FBXL7: variants seen among roughly 807,000 people sequenced by gnomAD.
The protein encoded by FBXL7 is F-box/LRR-repeat protein 7.
A neutral mutation model predicts 38.3 loss-of-function variants in FBXL7; 12 were observed. The ratio of observed to expected loss-of-function variants is 0.31; its 90% CI spans 0.20 to 0.51. The LOEUF is 0.51. Ranked by LOEUF, FBXL7 falls within the 20% of genes least tolerant of loss-of-function variation. The pLI is 0.98. For synonymous variants in FBXL7, 297 were observed against 300.9 expected (o/e 0.99, Z 0.13); for missense variants, 567 against 676.4 (o/e 0.84, Z 1.79).
At chr5:15,547,462 G>A (rs932351483) in intron 1 of FBXL7, among the ~76,000 whole-genome samples, 1 of 152,180 alleles carries the variant, frequency 6.6e-6, no homozygotes, top group African/African-American at 2.4e-5. Context: ...TTACTGACTT[G>A]TCTGAGTCTG....
In FBXL7 at chr5:15,546,080, T is replaced by A. The variant is rs1034040066; in HGVS notation, c.37+45367T>A. Among the ~76,000 whole-genome samples, 13 of 152,384 alleles carry A rather than the reference T, an allele frequency of 8.5e-5. No individual in the cohort carries two copies. In the East Asian group the frequency reaches 2.5e-3, roughly 29 times the overall value. ...TTACATATTAAAATTATAGCATGCA[T>A]GTGTTATATTAAATGATACATATTA... On this transcript the variant is annotated intron_variant, in intron 1 of 3. Transcript: ENST00000504595.
rs1445127129 is a variant in FBXL7 at position 15,939,358 on chromosome 5, G to A, written c.*2172G>A. 5 of 273,044 alleles carry A rather than the reference G, an allele frequency of 1.8e-5. No homozygotes were observed. The highest frequency in any genetic ancestry group is 6.8e-6 in the Non-Finnish European group (1 of 146,940). 16.9% of individuals were successfully genotyped at this position (273,044 alleles called of 1,614,324 possible). A position where few individuals can be genotyped will look rare whatever the true frequency, so the allele number is the denominator to read the frequency against. The stretch of plus-strand genomic sequence containing the variant: ...ATTGTCCCTAATCCTTGGCCCTGGG[G>A]TCTTCCGAGTGAGCTGGTTTAATAC... On this transcript the variant is annotated 3_prime_UTR_variant, in exon 4 of 4. Transcript: ENST00000504595.
intron 3 of FBXL7, among the ~76,000 whole-genome samples, chr5:15,932,596 T>C (rs969413201): frequency 3.3e-5 from 5 of 152,204 alleles, no homozygotes; most frequent in African/African-American, 1.2e-4. Context: ...TGCCTTGGTT[T>C]TGACTAAATC....
intron 2 of FBXL7, among the ~76,000 whole-genome samples, chr5:15,826,795 T>A (rs1439207287): frequency 6.6e-6 from 1 of 152,164 alleles, no homozygotes; most frequent in Non-Finnish European, 1.5e-5. Context: ...CTAGGCTATT[T>A]CAGTACTATC....
chr5:15,640,203 T>C (rs1426801520), intron 2 of FBXL7, among the ~76,000 whole-genome samples: 1 of 152,094 alleles, frequency 6.6e-6, no homozygotes, highest in African/African-American at 2.4e-5. Context: ...AAATCAGAAA[T>C]CAAGGTGGCA....
chr5:15,701,883 T>C (rs141007914), intron 2 of FBXL7, among the ~76,000 whole-genome samples: 88 of 152,302 alleles, frequency 5.8e-4, no homozygotes, highest in South Asian at 8.3e-4. Flanking sequence ...GACTGTAAAG[T>C]ACATGATTCT....
intron 2 of FBXL7, among the ~76,000 whole-genome samples, chr5:15,621,647 G>A (rs1043058523): frequency 1.3e-5 from 2 of 152,196 alleles, no homozygotes; most frequent in East Asian, 1.9e-4. Context: ...CTATGGGCGG[G>A]TGGCTCAGTC....
Position 15,669,087 on chromosome 5 carries a change from G to C in FBXL7, c.127+53015G>C, listed in dbSNP as rs545214016. ...TGTACAGTGAGTGCTTCAAAATCCA[G>C]GTCTCTGTGTTACTCATCTTTGTGT... On this transcript the variant is annotated intron_variant, in intron 2 of 3. Coordinates refer to ENST00000504595, the MANE Select transcript of FBXL7 (RefSeq NM_012304.5). Among the ~76,000 whole-genome samples the C allele has an allele frequency of 4.6e-5, 7 of 152,180 alleles. No individual in the cohort carries two copies. The East Asian group carries it at 1.4e-3, about 29-fold the overall frequency.
chr5:15,549,019 T>C (rs1439586512), intron 1 of FBXL7, among the ~76,000 whole-genome samples: 1 of 152,190 alleles, frequency 6.6e-6, no homozygotes, highest in Non-Finnish European at 1.5e-5. Context: ...TCACTAGGAA[T>C]TTCTTTGTGG....
intron 1 of FBXL7, among the ~76,000 whole-genome samples, chr5:15,510,014 T>A (rs988668163): frequency 1.1e-4 from 17 of 152,216 alleles, no homozygotes; most frequent in African/African-American, 3.9e-4. Context: ...TTTTCCCCGT[T>A]CCGTAGTTGA....
rs566753136 is a variant in FBXL7, at chr5:15,818,921, AT to A, written c.128-108967del. Among the ~76,000 whole-genome samples the A allele has an allele frequency of 5.3e-5, 8 of 152,232 alleles. No individual in the cohort carries two copies. The South Asian group carries it at 1.7e-3, about 32-fold the overall frequency. On this transcript the variant is annotated intron_variant, in intron 2 of 3. Coordinates refer to ENST00000504595, the MANE Select transcript of FBXL7 (RefSeq NM_012304.5). ...AATGGCCTCCTAAATACTAAACTCC[AT>A]TAAGCTTGCCTCTGAGCAATGGCCA...
chr5:15,544,443 A>C (rs1016706717), intron 1 of FBXL7, among the ~76,000 whole-genome samples: 3 of 152,250 alleles, frequency 2.0e-5, no homozygotes, highest in Middle Eastern at 3.4e-3. Flanking sequence ...ATTATTTCAT[A>C]TGGCCATTTT....
chr5:15,711,205 G>A (rs925497582), intron 2 of FBXL7, among the ~76,000 whole-genome samples: 2 of 152,152 alleles, frequency 1.3e-5, no homozygotes, highest in African/African-American at 2.4e-5. Context: ...TATCAGCAGC[G>A]TGAGAATGGA....
At chr5:15,626,207 A>G (rs1740812474) in intron 2 of FBXL7, among the ~76,000 whole-genome samples, 1 of 152,176 alleles carries the variant, frequency 6.6e-6, no homozygotes. Flanking sequence ...CTTCATGACC[A>G]AGTTTATTTT....
rs1360695864 is a variant in FBXL7 at position 15,512,508 on chromosome 5, G to A, written c.37+11795G>A. On this transcript the variant is annotated intron_variant, in intron 1 of 3. Coordinates refer to ENST00000504595, the MANE Select transcript of FBXL7 (RefSeq NM_012304.5). Reference sequence around the variant, plus strand: ...CTAGGAAAACACCCTATGAATAGCCGTGTCATATTTTCTGGGAACCTTTCT... The same window carrying A: ...CTAGGAAAACACCCTATGAATAGCCATGTCATATTTTCTGGGAACCTTTCT... 2.6e-5 allele frequency among the ~76,000 whole-genome samples: 4 copies of A among 152,130 alleles called. No individual in the cohort carries two copies. The South Asian group carries it at 6.2e-4, about 24-fold the overall frequency.
intron 2 of FBXL7, among the ~76,000 whole-genome samples, chr5:15,673,327 A>C (rs963847965): frequency 6.6e-6 from 1 of 152,182 alleles, no homozygotes; most frequent in South Asian, 2.1e-4. Context: ...AAAAGAAAAA[A>C]AAAAGAAAAA....
At chr5:15,522,655 C>T (rs1199777329) in intron 1 of FBXL7, among the ~76,000 whole-genome samples, 1 of 152,176 alleles carries the variant, frequency 6.6e-6, no homozygotes, top group East Asian at 1.9e-4. Context: ...TTGCATTGAT[C>T]TCTTCAACAA....
At chr5:15,661,369 C>T (rs1742062294) in intron 2 of FBXL7, among the ~76,000 whole-genome samples, 2 of 146,374 alleles carry the variant, frequency 1.4e-5, no homozygotes, top group South Asian at 4.3e-4. Flanking sequence ...TTAGTTCTTC[C>T]GTTCTAAGTT....
intron 3 of FBXL7, among the ~76,000 whole-genome samples, chr5:15,930,017 C>T (rs1196049029): frequency 6.6e-6 from 1 of 152,260 alleles, no homozygotes; most frequent in East Asian, 1.9e-4. Flanking sequence ...TTTCGAAAGC[C>T]GACGTCTGAA....
Sources: gnomAD v4.1 joint callset for allele counts (sites outside exome capture counted in the v4.1 genomes callset) on GRCh38, gnomAD v4.1.1 for gene constraint, MANE v1.5 for transcripts, NCBI Gene and HGNC (gene_info 2026-07-23, HGNC 2026-07-21) for gene names.